Variants in EVI5 observed in about 807,000 individuals in gnomAD.
EVI5 encodes the protein ecotropic viral integration site 5 protein homolog.
In EVI5, 73 loss-of-function variants were observed where a neutral mutation model predicts 112.0. The observed-to-expected ratio is 0.65, with a 90% confidence interval of 0.54 to 0.79. The LOEUF (loss-of-function observed/expected upper bound fraction) is 0.79. EVI5 is among the 30% of genes least tolerant of loss of function. EVI5 has a pLI of 0.00. For synonymous variants in EVI5, 305 were observed against 319.9 expected (o/e 0.95, Z 0.50); for missense variants, 900 against 968.8 (o/e 0.93, Z 0.94).
intron 18 of EVI5, among the ~76,000 whole-genome samples, chr1:92,584,088 C>T (rs1401230660): frequency 6.6e-6 from 1 of 151,960 alleles, no homozygotes; most frequent in Non-Finnish European, 1.5e-5. Context: ...CAAACACAAG[C>T]GTAAAGCTTT....
intron 19 of EVI5, among the ~76,000 whole-genome samples, chr1:92,558,586 A>G (rs950672934): frequency 6.6e-6 from 1 of 152,154 alleles, no homozygotes; most frequent in South Asian, 2.1e-4. Flanking sequence ...GCCATGTTTG[A>G]TCTTATCTGG....
chr1:92,666,047 T>C (rs1238661088), intron 10 of EVI5, 55 bp from the exon 11 acceptor site: 3 of 1,145,246 alleles, frequency 2.6e-6, no homozygotes, highest in Non-Finnish European at 3.9e-6. Flanking sequence ...AAAAAAAAGA[T>C]TTCTAAATCA....
chr1:92,665,846 GAC>G (rs1664791958), intron 11 of EVI5, 91 bp downstream of exon 11: 1 of 819,254 alleles, frequency 1.2e-6, no homozygotes, highest in Non-Finnish European at 2.0e-6. Flanking sequence ...CAACATAGGA[GAC>G]ATGTGCCAGA....
intron 1 of EVI5, among the ~76,000 whole-genome samples, chr1:92,740,852 A>T (rs1319806052): frequency 2.0e-5 from 3 of 152,190 alleles, no homozygotes; most frequent in African/African-American, 7.2e-5. Context: ...TGTTAATTGT[A>T]TGGCAGTCTT....
chr1:92,751,334 T>C (rs1253894045), intron 1 of EVI5, among the ~76,000 whole-genome samples: 4 of 152,210 alleles, frequency 2.6e-5, no homozygotes, highest in Middle Eastern at 3.2e-3. Context: ...TAGCTTTATT[T>C]GTACTTATAA....
Position 92,624,354 on chromosome 1 carries a change from A to T in EVI5, c.1669-20T>A, listed in dbSNP as rs1248768384. 1 of 1,601,966 alleles carries T rather than the reference A, an allele frequency of 6.2e-7. No individual in the cohort carries two copies. Among genetic ancestry groups the T allele is most frequent in the East Asian group, 2.2e-5 (1 of 44,774 alleles). On this transcript the variant is annotated intron_variant, in intron 15 of 19. Coordinates refer to ENST00000684568, the MANE Select transcript of EVI5 (RefSeq NM_001350197.2). ...GTGGCGCTAAAGCATAAAAAATTAT[A>T]TTGCAACAAATACTCTCAGTATCAA...
intron 9 of EVI5, among the ~76,000 whole-genome samples, chr1:92,686,081 TAG>T: frequency 6.6e-6 from 1 of 152,054 alleles, no homozygotes; most frequent in Non-Finnish European, 1.5e-5. Flanking sequence ...CAAAGCCTGG[TAG>T]AGACACAACA....
intron 16 of EVI5, 139 bp from the exon 17 acceptor site, chr1:92,607,866 T>C: frequency 3.5e-6 from 2 of 579,548 alleles, no homozygotes; most frequent in South Asian, 2.6e-5. Context: ...AAATCAACAT[T>C]AAAAAATAAG....
chr1:92,565,891 AC>A (rs1669361745), intron 18 of EVI5, among the ~76,000 whole-genome samples: 1 of 137,844 alleles, frequency 7.3e-6, no homozygotes. Context: ...AATCGCTTGA[AC>A]CTGGGAGGCG....
chr1:92,642,211 C>T (rs1356108934), intron 13 of EVI5, among the ~76,000 whole-genome samples: 1 of 152,100 alleles, frequency 6.6e-6, no homozygotes, highest in Non-Finnish European at 1.5e-5. Context: ...TTTAAGAAGA[C>T]ATTTACCTCT....
intron 1 of EVI5, among the ~76,000 whole-genome samples, chr1:92,774,421 C>T (rs886925743): frequency 6.6e-6 from 1 of 152,180 alleles, no homozygotes; most frequent in African/African-American, 2.4e-5. Context: ...TCATTTCTGA[C>T]ATACAAAAGA....
intron 19 of EVI5, among the ~76,000 whole-genome samples, chr1:92,547,450 A>G (rs1665933224): frequency 6.6e-6 from 1 of 152,260 alleles, no homozygotes; most frequent in Admixed American, 6.5e-5. Context: ...TAGAGAAGCA[A>G]GAGCAAACAC....
At chr1:92,778,958 G>T (rs189627068) in intron 1 of EVI5, among the ~76,000 whole-genome samples, 29 of 152,118 alleles carry the variant, frequency 1.9e-4, no homozygotes, top group African/African-American at 7.0e-4. Context: ...AGATTCTGAC[G>T]TATTAGCAGC....
chr1:92,709,259 T>C (rs1171566319), intron 2 of EVI5, among the ~76,000 whole-genome samples: 2 of 152,172 alleles, frequency 1.3e-5, no homozygotes, highest in East Asian at 3.8e-4. Context: ...TCTTAATAGG[T>C]ATGTGGGTTA....
chr1:92,575,149 G>C (rs1670863490), intron 18 of EVI5, among the ~76,000 whole-genome samples: 1 of 152,090 alleles, frequency 6.6e-6, no homozygotes, highest in South Asian at 2.1e-4. Context: ...ATCTATAGAA[G>C]AGCAGAAATA....
chr1:92,712,599 T>TA (rs902578079), intron 2 of EVI5, among the ~76,000 whole-genome samples: 44 of 152,054 alleles, frequency 2.9e-4, no homozygotes, highest in African/African-American at 8.9e-4. Context: ...AGAGAACTGA[T>TA]AAAAAAATTT....
In EVI5 at chr1:92,710,086, CA is replaced by C. The variant is rs71091297; in HGVS notation, c.150-5343del. The stretch of plus-strand genomic sequence containing the variant: ...TGCCTTACATGGATTTATTGCAAAG[CA>C]AAAAAAAAAAAAAGGGAGGCCGAGG... On this transcript the variant is annotated intron_variant, in intron 2 of 19. Transcript: ENST00000684568. 2.3e-3 allele frequency among the ~76,000 whole-genome samples: 189 copies of C among 82,796 alleles called. 12 individuals are homozygous for C. Among genetic ancestry groups the C allele is most frequent in the Non-Finnish European group, 2.2e-3 (102 of 46,882 alleles). The allele number at this position is 82,796 out of a possible 152,430, so 54.3% of individuals were successfully genotyped here.
At position 92,548,600 on chromosome 1, in the gene EVI5, T is replaced by C. The variant is rs556816568; in HGVS notation, c.2166+15042A>G. ...ATGATTGTATATTTAGAAAACCCCA[T>C]CGTCTCAGCCCAAAATCTCCTTAAG... On this transcript the variant is annotated intron_variant, in intron 19 of 19. Coordinates refer to ENST00000684568, the MANE Select transcript of EVI5 (RefSeq NM_001350197.2). Among the ~76,000 whole-genome samples the C allele has an allele frequency of 2.6e-5, 4 of 152,242 alleles. No individual in the cohort carries two copies. The East Asian group carries it at 7.7e-4, about 29-fold the overall frequency.
intron 2 of EVI5, among the ~76,000 whole-genome samples, chr1:92,721,553 G>A (rs1001686707): frequency 1.3e-5 from 2 of 152,246 alleles, no homozygotes; most frequent in Non-Finnish European, 2.9e-5. Context: ...GGGAGGGATA[G>A]CATTAGGAGA....
Sources: gnomAD v4.1 joint callset for allele counts (sites outside exome capture counted in the v4.1 genomes callset) on GRCh38, gnomAD v4.1.1 for gene constraint, MANE v1.5 for transcripts, NCBI Gene and HGNC (gene_info 2026-07-23, HGNC 2026-07-21) for gene names.